Variants in EYS observed in about 807,000 individuals in gnomAD.
EYS encodes protein eyes shut homolog.
Under a neutral mutation model 282.1 loss-of-function variants are expected in EYS, and 250 were observed. The observed-to-expected ratio is 0.89, with a 90% CI of 0.80 to 0.98. The LOEUF is 0.98. EYS is among the 50% of genes least tolerant of loss of function. The pLI is 0.00. For synonymous variants in EYS, 1,355 were observed against 1,282.9 expected, an observed-to-expected ratio of 1.06 and a Z score of -1.20; for missense variants, 4,016 against 3,709.0, an observed-to-expected ratio of 1.08 and a Z score of -2.15.
intron 8 of EYS, among the ~76,000 whole-genome samples, chr6:65,372,813 A>T (rs984494208): frequency 4.6e-5 from 7 of 152,060 alleles, no homozygotes; most frequent in Non-Finnish European, 7.4e-5. Context: ...TTAACTCATA[A>T]TGAAGAGCAT....
intron 22 of EYS, among the ~76,000 whole-genome samples, chr6:64,756,629 A>G (rs928286617): frequency 2.6e-5 from 4 of 152,184 alleles, no homozygotes; most frequent in African/African-American, 9.6e-5. Flanking sequence ...CTTTAATTTT[A>G]GTTGAAAACA....
intron 28 of EYS, among the ~76,000 whole-genome samples, chr6:64,426,279 A>G (rs775908504): frequency 6.6e-6 from 1 of 152,198 alleles, no homozygotes; most frequent in Non-Finnish European, 1.5e-5. Flanking sequence ...CAGAGTCATA[A>G]CTAACAACAC....
chr6:64,262,634 G>C (rs1213225129), intron 30 of EYS, among the ~76,000 whole-genome samples: 1 of 151,870 alleles, frequency 6.6e-6, no homozygotes, highest in Non-Finnish European at 1.5e-5. Flanking sequence ...TTGCTTTGCT[G>C]GCTTTTCTTT....
intron 12 of EYS, among the ~76,000 whole-genome samples, chr6:65,291,782 C>T (rs1398795932): frequency 6.6e-6 from 1 of 151,554 alleles, no homozygotes; most frequent in East Asian, 1.9e-4. Flanking sequence ...TCATGAAGAA[C>T]TAAATTCTCA....
At chr6:63,788,057 CAACATTT>C in intron 39 of EYS, 41 bp downstream of exon 39, 1 of 1,387,480 alleles carries the variant, frequency 7.2e-7, no homozygotes, top group South Asian at 1.4e-5. Context: ...TTTTTTCCCT[CAACATTT>C]GAAATAAGTA....
At chr6:64,906,090 G>T (rs1767818403) in intron 16 of EYS, among the ~76,000 whole-genome samples, 1 of 150,674 alleles carries the variant, frequency 6.6e-6, no homozygotes, top group Non-Finnish European at 1.5e-5. Context: ...TAGCAAGTCA[G>T]ATTTTTTAAA....
intron 15 of EYS, among the ~76,000 whole-genome samples, chr6:64,936,641 A>G (rs1194003650): frequency 1.3e-5 from 2 of 151,536 alleles, no homozygotes; most frequent in Non-Finnish European, 3.0e-5. Context: ...GCAAAGAACA[A>G]TCTGAAAATG....
At chr6:64,618,643 T>A (rs199642092) in intron 23 of EYS, among the ~76,000 whole-genome samples, 2 of 152,170 alleles carry the variant, frequency 1.3e-5, no homozygotes, top group Non-Finnish European at 2.9e-5. Context: ...TTGAAACACT[T>A]CATTATAAGA....
At chr6:65,357,109 T>G (rs2150330391) in intron 8 of EYS, among the ~76,000 whole-genome samples, 1 of 152,124 alleles carries the variant, frequency 6.6e-6, no homozygotes, top group Non-Finnish European at 1.5e-5. Flanking sequence ...TCATCAGTAT[T>G]AACTTGGTTC....
intron 29 of EYS, among the ~76,000 whole-genome samples, chr6:64,357,254 C>T (rs1033064192): frequency 1.3e-5 from 2 of 151,592 alleles, no homozygotes; most frequent in Non-Finnish European, 3.0e-5. Context: ...TTGTCAATGA[C>T]CTTTTTTAGA....
chr6:65,602,372 G>A (rs1765643259), intron 2 of EYS, among the ~76,000 whole-genome samples: 1 of 151,810 alleles, frequency 6.6e-6, no homozygotes, highest in African/African-American at 2.4e-5. Context: ...AACATGTTTT[G>A]CTCATGAAAT....
intron 26 of EYS, among the ~76,000 whole-genome samples, chr6:64,548,107 C>T (rs1038351693): frequency 1.4e-4 from 21 of 152,288 alleles, no homozygotes; most frequent in African/African-American, 4.3e-4. Context: ...GGAAGGGGCT[C>T]CCACCATGCA....
intron 31 of EYS, among the ~76,000 whole-genome samples, chr6:64,222,925 G>T (rs866469240): frequency 6.6e-6 from 1 of 151,236 alleles, no homozygotes; most frequent in Non-Finnish European, 1.5e-5. Context: ...GAAAATTATC[G>T]GTACTTACAG....
At chr6:65,430,821 T>C (rs1767857929) in intron 5 of EYS, among the ~76,000 whole-genome samples, 1 of 152,176 alleles carries the variant, frequency 6.6e-6, no homozygotes, top group Non-Finnish European at 1.5e-5. Context: ...GATCCAGTCC[T>C]GGCAGCATTC....
intron 1 of EYS, among the ~76,000 whole-genome samples, chr6:65,676,233 G>C (rs1002648979): frequency 6.6e-6 from 1 of 151,466 alleles, no homozygotes; most frequent in Non-Finnish European, 1.5e-5. Flanking sequence ...TTAATGATTA[G>C]AGCAGAAACA....
At chr6:65,065,456 C>T (rs551304028) in intron 12 of EYS, among the ~76,000 whole-genome samples, 1 of 150,842 alleles carries the variant, frequency 6.6e-6, no homozygotes, top group East Asian at 2.0e-4. Context: ...GATCTCTGCT[C>T]ATTGCAAGCT....
intron 30 of EYS, among the ~76,000 whole-genome samples, chr6:64,303,073 A>C (rs1231839669): frequency 6.6e-6 from 1 of 152,186 alleles, no homozygotes; most frequent in East Asian, 1.9e-4. Context: ...CTCCAGACAC[A>C]CACATCATTC....
chr6:65,442,664 G>A (rs1201481767), intron 5 of EYS, among the ~76,000 whole-genome samples: 1 of 151,854 alleles, frequency 6.6e-6, no homozygotes, highest in Non-Finnish European at 1.5e-5. Flanking sequence ...TGAGGCAGGA[G>A]AATTGTTTGA....
intron 1 of EYS, among the ~76,000 whole-genome samples, chr6:65,685,524 A>G (rs548747166): frequency 2.0e-5 from 3 of 152,240 alleles, no homozygotes; most frequent in Middle Eastern, 3.4e-3. Flanking sequence ...TTACTAGAGT[A>G]TAATTGAAGG....
Sources: gnomAD v4.1 joint callset for allele counts (sites outside exome capture counted in the v4.1 genomes callset) on GRCh38, gnomAD v4.1.1 for gene constraint, MANE v1.5 for transcripts, NCBI Gene and HGNC (gene_info 2026-07-23, HGNC 2026-07-21) for gene names.